The following FAM13A variants were observed in gnomAD, a reference collection of about 807,000 sequenced individuals.
FAM13A encodes protein FAM13A.
In FAM13A, 76 loss-of-function variants were observed where a neutral mutation model predicts 129.6. That is an observed-to-expected ratio of 0.59 (90% CI 0.49 to 0.71). The LOEUF (loss-of-function observed/expected upper bound fraction) is 0.71. Ranked by LOEUF, FAM13A falls within the 30% of genes least tolerant of loss-of-function variation. FAM13A has a pLI of 0.00. For missense variants in FAM13A, 1,108 were observed against 1,249.3 expected (o/e 0.89, Z 1.70); for synonymous variants, 443 against 449.9 (o/e 0.98, Z 0.20).
chr4:88,852,011 C>G (rs1403230266), intron 6 of FAM13A, among the ~76,000 whole-genome samples: 1 of 152,108 alleles, frequency 6.6e-6, no homozygotes, highest in Non-Finnish European at 1.5e-5. Flanking sequence ...GAAGCTTTTT[C>G]TTGTCTCTAG....
chr4:88,830,302 G>A lies in FAM13A; in HGVS notation c.1007+20718C>T, dbSNP rs368168266. 2.0e-4 allele frequency among the ~76,000 whole-genome samples: 30 copies of A among 152,282 alleles called. No individual in the cohort carries two copies. The East Asian group carries it at 5.0e-3, about 25-fold the overall frequency. On this transcript the variant is annotated intron_variant, in intron 7 of 23. Transcript: ENST00000264344. ...TGGTATGTGAGTTGTTTTATGTAAG[G>A]AAGCTCAAGTATTTCTTAAGGAATA...
rs1216720207 is a variant in FAM13A at position 88,886,769 on chromosome 4, T to C, written c.843+19610A>G. ...TAATAATACAAAAATTAGCTGGGCA[T>C]GGTGACGCATGCCTGTAATCCCAGC... is the stretch of plus-strand genomic sequence containing the variant. On this transcript the variant is annotated intron_variant, in intron 6 of 23. Coordinates refer to ENST00000264344, the MANE Select transcript of FAM13A (RefSeq NM_014883.4). 2.0e-5 allele frequency among the ~76,000 whole-genome samples: 3 copies of C among 151,810 alleles called. No individual in the cohort carries two copies. In the East Asian group the frequency reaches 5.8e-4, roughly 29 times the overall value.
At chr4:88,888,936 C>CAAAAA in intron 6 of FAM13A, among the ~76,000 whole-genome samples, 1 of 65,584 alleles carries the variant, frequency 1.5e-5, no homozygotes, top group Non-Finnish European at 3.0e-5. Flanking sequence ...ACTCCGTCTC[C>CAAAAA]AAAAAAAAAA....
chr4:88,738,994 G>T, intron 20 of FAM13A, 36 bp downstream of exon 20: 1 of 1,331,856 alleles, frequency 7.5e-7, no homozygotes, highest in Non-Finnish European at 1.1e-6. Flanking sequence ...CAAGCGGAAA[G>T]GTGTTGTACC....
chr4:88,726,010 A>ACTC lies in FAM13A; in HGVS notation c.*2520_*2522dup, dbSNP rs1227576244. ...TAAGTTTACTTACACTTATGAAATA[A>ACTC]CTCTTGACATTTATTTTGTTGGCAT... On this transcript the variant is annotated 3_prime_UTR_variant, in exon 24 of 24. Transcript: ENST00000264344. 1 of 152,132 alleles carries ACTC rather than the reference A, an allele frequency of 6.6e-6. No individual in the cohort carries two copies. Among genetic ancestry groups the ACTC allele is most frequent in the African/African-American group, 2.4e-5 (1 of 41,408 alleles). 9.4% of individuals were successfully genotyped at this position (152,132 alleles called of 1,614,324 possible). A position where few individuals can be genotyped will look rare whatever the true frequency, so the allele number is the denominator to read the frequency against.
At chr4:88,934,320 C>A (rs182625556) in intron 5 of FAM13A, among the ~76,000 whole-genome samples, 1 of 152,202 alleles carries the variant, frequency 6.6e-6, no homozygotes, top group Non-Finnish European at 1.5e-5. Context: ...ATATAAGAAT[C>A]ATAAGAGCAG....
At chr4:88,731,687 T>C (rs1737831446) in intron 22 of FAM13A, 2 of 524,068 alleles carry the variant, frequency 3.8e-6, no homozygotes, top group Non-Finnish European at 6.7e-6. Flanking sequence ...CTTTGTCATA[T>C]TTTTCTTTGA....
At chr4:88,865,312 G>A (rs377455867) in intron 6 of FAM13A, among the ~76,000 whole-genome samples, 51 of 152,250 alleles carry the variant, frequency 3.3e-4, no homozygotes, top group African/African-American at 1.1e-3. Flanking sequence ...TAAGCATAGT[G>A]TTGGTCAGTT....
At chr4:88,792,673 G>GA (rs1461941600) in intron 8 of FAM13A, among the ~76,000 whole-genome samples, 2 of 151,980 alleles carry the variant, frequency 1.3e-5, no homozygotes, top group Non-Finnish European at 2.9e-5. Context: ...ATGACTCGGG[G>GA]AAAACCCAGA....
At chr4:88,873,834 CAA>C (rs1382204577) in intron 6 of FAM13A, among the ~76,000 whole-genome samples, 1 of 152,016 alleles carries the variant, frequency 6.6e-6, no homozygotes, top group African/African-American at 2.4e-5. Context: ...GACACAACAA[CAA>C]AAAAGAGAAT....
chr4:88,824,757 G>C (rs959877636), intron 7 of FAM13A, among the ~76,000 whole-genome samples: 2 of 151,532 alleles, frequency 1.3e-5, no homozygotes, highest in Non-Finnish European at 2.9e-5. Context: ...ACCCAGGCTG[G>C]AGTGCTGTGG....
intron 4 of FAM13A, among the ~76,000 whole-genome samples, chr4:88,967,660 A>G (rs941367646): frequency 2.6e-5 from 4 of 152,226 alleles, no homozygotes. Flanking sequence ...CTTACAACAC[A>G]GAAAAGATGC....
intron 6 of FAM13A, among the ~76,000 whole-genome samples, chr4:88,870,966 G>A (rs983731644): frequency 6.6e-6 from 1 of 152,196 alleles, no homozygotes; most frequent in Admixed American, 6.5e-5. Context: ...TGCAATATTT[G>A]CTGTTCTGCA....
chr4:88,848,216 T>C (rs752922957), intron 7 of FAM13A, among the ~76,000 whole-genome samples: 44 of 152,178 alleles, frequency 2.9e-4, no homozygotes, highest in Non-Finnish European at 4.9e-4. Flanking sequence ...ATGCAGAAGG[T>C]GTCCTGCCTA....
intron 5 of FAM13A, among the ~76,000 whole-genome samples, chr4:88,923,525 A>G (rs1238668154): frequency 6.6e-6 from 1 of 152,240 alleles, no homozygotes; most frequent in African/African-American, 2.4e-5. Flanking sequence ...AAAACTCTCA[A>G]TAAGTTAGGT....
At chr4:89,022,945 C>T (rs866997173) in intron 2 of FAM13A, among the ~76,000 whole-genome samples, 8 of 152,164 alleles carry the variant, frequency 5.3e-5, no homozygotes, top group Admixed American at 1.3e-4. Context: ...CCTGTTGAGT[C>T]CTGATATGAC....
intron 4 of FAM13A, among the ~76,000 whole-genome samples, chr4:88,948,160 C>A (rs1756263402): frequency 6.6e-6 from 1 of 152,070 alleles, no homozygotes; most frequent in South Asian, 2.1e-4. Flanking sequence ...GCTCTTGGAA[C>A]AAGGGGCTAG....
chr4:88,875,480 AG>A, intron 6 of FAM13A, among the ~76,000 whole-genome samples: 1 of 152,342 alleles, frequency 6.6e-6, no homozygotes, highest in East Asian at 1.9e-4. Flanking sequence ...AAGTGGGCAA[AG>A]GTTATAACAG....
chr4:88,778,187 C>T (rs2149599183), intron 11 of FAM13A, among the ~76,000 whole-genome samples: 1 of 152,258 alleles, frequency 6.6e-6, no homozygotes, highest in African/African-American at 2.4e-5. Flanking sequence ...GCCCAGAAGC[C>T]CAGTTGCCTC....
Sources: gnomAD v4.1 joint callset for allele counts (sites outside exome capture counted in the v4.1 genomes callset) on GRCh38, gnomAD v4.1.1 for gene constraint, MANE v1.5 for transcripts, NCBI Gene and HGNC (gene_info 2026-07-23, HGNC 2026-07-21) for gene names.